SH3BP5: variants seen among roughly 807,000 people sequenced by gnomAD.
The protein encoded by SH3BP5 is SH3 domain binding protein 5.
Under a neutral mutation model 43.3 loss-of-function variants are expected in SH3BP5, and 22 were observed. That is an observed-to-expected ratio of 0.51 (90% CI 0.36 to 0.73). The LOEUF is 0.73. Ranked by LOEUF, SH3BP5 falls within the 30% of genes least tolerant of loss-of-function variation. The probability of loss-of-function intolerance (pLI) is 0.00; values close to 1 mark genes in which losing one functional copy is unlikely to be tolerated. For missense variants in SH3BP5, 529 were observed against 586.9 expected, an observed-to-expected ratio of 0.90 and a Z score of 1.02; for synonymous variants, 255 against 225.8, an observed-to-expected ratio of 1.13 and a Z score of -1.16.
At chr3:15,309,913 C>T (rs567473330) in intron 2 of SH3BP5, among the ~76,000 whole-genome samples, 1 of 150,954 alleles carries the variant, frequency 6.6e-6, no homozygotes. Context: ...TCCACCCCCC[C>T]CCCATAAGAA....
At chr3:15,330,865 G>A (rs1698592946) in intron 1 of SH3BP5, 1 of 360,956 alleles carries the variant, frequency 2.8e-6, no homozygotes, top group East Asian at 1.7e-4. Context: ...TGTTACAAAT[G>A]GTTTAATGGC....
intron 3 of SH3BP5, among the ~76,000 whole-genome samples, chr3:15,279,911 C>T (rs1419062813): frequency 1.3e-5 from 2 of 152,158 alleles, no homozygotes; most frequent in East Asian, 3.9e-4. Context: ...CTTCCCATTG[C>T]ACTCAGGAAG....
chr3:15,340,606 C>A (rs1230315984), intron 1 of SH3BP5, among the ~76,000 whole-genome samples: 1 of 151,792 alleles, frequency 6.6e-6, no homozygotes, highest in Non-Finnish European at 1.5e-5. Flanking sequence ...CAAAAATTAG[C>A]CAGGCGTGGT....
rs558033677 is a variant in SH3BP5 at position 15,260,965 on chromosome 3, G to A, written c.627-1162C>T. On this transcript the variant is annotated intron_variant, in intron 5 of 8. Coordinates refer to ENST00000383791, the MANE Select transcript of SH3BP5 (RefSeq NM_004844.5). Reference sequence around the variant, plus strand: ...TGTGATGTGTGTGCAGTGTGAATTCGGGGTCTTTTGAGAAAAGACCCACCA... The same window carrying A: ...TGTGATGTGTGTGCAGTGTGAATTCAGGGTCTTTTGAGAAAAGACCCACCA... Among the ~76,000 whole-genome samples, 5 of 152,258 alleles carry A rather than the reference G, an allele frequency of 3.3e-5. No homozygotes were observed. In the South Asian group the frequency reaches 6.2e-4, roughly 19 times the overall value.
At chr3:15,273,132 A>T (rs1696865305) in intron 3 of SH3BP5, 2 of 985,256 alleles carry the variant, frequency 2.0e-6, no homozygotes, top group Non-Finnish European at 2.4e-6. Flanking sequence ...GCTTCACACC[A>T]ACTCCAGGAG....
At position 15,255,864 on chromosome 3, in the gene SH3BP5, C is replaced by A. The variant is rs745431868; in HGVS notation, c.*222G>T. Reference sequence around the variant, plus strand: ...CGGAATGTTCCACAAAGGCTGTGAACCTAGTCACAGTCTACCCACAACAAG... The same window carrying A: ...CGGAATGTTCCACAAAGGCTGTGAAACTAGTCACAGTCTACCCACAACAAG... On this transcript the variant is annotated 3_prime_UTR_variant, in exon 9 of 9. Transcript: ENST00000383791. 1.9e-6 allele frequency: 1 copy of A among 529,902 alleles called. No individual in the cohort carries two copies. The highest frequency in any genetic ancestry group is 3.4e-6 in the Non-Finnish European group (1 of 298,376). 32.8% of individuals were successfully genotyped at this position (529,902 alleles called of 1,614,324 possible).
chr3:15,280,101 C>A (rs1240433264), intron 3 of SH3BP5, among the ~76,000 whole-genome samples: 1 of 152,128 alleles, frequency 6.6e-6, no homozygotes, highest in Non-Finnish European at 1.5e-5. Context: ...CCCACACTTC[C>A]ATCCTTTCAC....
chr3:15,255,181 A>T lies in SH3BP5; in HGVS notation c.*905T>A, dbSNP rs1216588706. 1 of 152,650 alleles carries T rather than the reference A, an allele frequency of 6.6e-6. No individual in the cohort carries two copies. 9.5% of individuals were successfully genotyped at this position (152,650 alleles called of 1,614,324 possible). On this transcript the variant is annotated 3_prime_UTR_variant, in exon 9 of 9. Transcript: ENST00000383791. ...TGCCTACTCCCTTTCCTAACTTTAA[A>T]GAACTGTTTCCTCTAAGGAATACTA...
At chr3:15,305,819 GT>G (rs1246570935) in intron 2 of SH3BP5, among the ~76,000 whole-genome samples, 7 of 152,226 alleles carry the variant, frequency 4.6e-5, no homozygotes, top group Admixed American at 2.0e-4. Flanking sequence ...CTTGATAGGA[GT>G]TAGGAAGGCA....
intron 4 of SH3BP5, 27 bp from the exon 5 acceptor site, chr3:15,262,316 A>T (rs1369038456): frequency 2.5e-6 from 4 of 1,596,552 alleles, no homozygotes; most frequent in South Asian, 1.1e-5. Flanking sequence ...AGTTCAGCCC[A>T]GTCCAGCCCA....
At position 15,265,789 on chromosome 3, in the gene SH3BP5, C is replaced by CAT. The variant is rs574285343; in HGVS notation, c.496-3501_496-3500insAT. ...GTGTGGCAAACTGCACCCCATACTC[C>CAT]GGAGCAGCATACTCCGGAGATGCTG... On this transcript the variant is annotated intron_variant, in intron 4 of 8. Coordinates refer to ENST00000383791, the MANE Select transcript of SH3BP5 (RefSeq NM_004844.5). 4.7e-4 allele frequency among the ~76,000 whole-genome samples: 71 copies of CAT among 152,066 alleles called. 1 individual carries two copies. The East Asian group carries it at 0.012, about 26-fold the overall frequency.
upstream of SH3BP5, among the ~76,000 whole-genome samples, chr3:15,335,056 C>T (rs188899420): frequency 4.9e-4 from 74 of 151,788 alleles, no homozygotes; most frequent in Admixed American, 9.8e-4. Flanking sequence ...GAGAGACGAT[C>T]GCTTGAGGCC....
Position 15,256,092 on chromosome 3 carries a change from A to G in SH3BP5, c.1362T>C (p.Ile454=). ...GIIADIKMVQ[I]G ...GGCCAGGGCCCAGGATGAATCAGCC[A>G]ATCTGCACCATTTTTATGTCAGCAA... Residue 454 remains isoleucine (I), a synonymous_variant, in exon 9 of 9, where the codon ATT becomes ATC. Coordinates refer to ENST00000383791, the MANE Select transcript of SH3BP5 (RefSeq NM_004844.5). 6.2e-7 allele frequency: 1 copy of G among 1,613,254 alleles called. No individual in the cohort carries two copies. Among genetic ancestry groups the G allele is most frequent in the Non-Finnish European group, 8.5e-7 (1 of 1,179,210 alleles).
chr3:15,261,255 T>C (rs915595084), intron 5 of SH3BP5, among the ~76,000 whole-genome samples: 7 of 152,260 alleles, frequency 4.6e-5, no homozygotes, highest in African/African-American at 1.7e-4. Flanking sequence ...GGTGTTCCTC[T>C]GCATGTATGT....
At chr3:15,334,845 G>A (rs1272402856), upstream of SH3BP5, among the ~76,000 whole-genome samples, 1 of 152,092 alleles carries the variant, frequency 6.6e-6, no homozygotes, top group Non-Finnish European at 1.5e-5. Flanking sequence ...ACAGCTATTT[G>A]GGAGGCTGAG....
chr3:15,311,973 T>G (rs1698070740), intron 2 of SH3BP5, among the ~76,000 whole-genome samples: 1 of 152,324 alleles, frequency 6.6e-6, no homozygotes, highest in Admixed American at 6.5e-5. Flanking sequence ...ACCAGCCATC[T>G]TCAGTCTTGT....
intron 3 of SH3BP5, among the ~76,000 whole-genome samples, chr3:15,303,626 C>G (rs1026551981): frequency 6.6e-6 from 1 of 151,100 alleles, no homozygotes; most frequent in Non-Finnish European, 1.5e-5. Context: ...TTCAGCAGGA[C>G]GATGGCCACG....
chr3:15,254,902 A>G lies in SH3BP5; in HGVS notation c.*1184T>C, dbSNP rs1322061521. ...CTTAGTGTATTAAGACAAGTACAAA[A>G]TAACCTTGTAATTAAGATACTGTAT... On this transcript the variant is annotated 3_prime_UTR_variant, in exon 9 of 9. Coordinates refer to ENST00000383791, the MANE Select transcript of SH3BP5 (RefSeq NM_004844.5). 6.6e-6 allele frequency: 1 copy of G among 152,350 alleles called. No individual in the cohort carries two copies. Among genetic ancestry groups the G allele is most frequent in the African/African-American group, 2.4e-5 (1 of 41,586 alleles). The allele number at this position is 152,350 out of a possible 1,614,324, so 9.4% of individuals were successfully genotyped here.
rs751690453 is a variant in SH3BP5, at chr3:15,256,040, C to T, written c.*46G>A. The T allele has an allele frequency of 4.9e-6, 7 of 1,421,398 alleles. No homozygotes were observed. Among genetic ancestry groups the T allele is most frequent in the Admixed American group, 1.8e-5 (1 of 56,914 alleles). 88.0% of individuals were successfully genotyped at this position (1,421,398 alleles called of 1,614,324 possible). On this transcript the variant is annotated 3_prime_UTR_variant, in exon 9 of 9. Coordinates refer to ENST00000383791, the MANE Select transcript of SH3BP5 (RefSeq NM_004844.5). Reference sequence around the variant, plus strand: ...ATTATTGGCACAATGTTCTCCAGTTCCATGTATAAATGTTGATATGCACAT... The same window carrying T: ...ATTATTGGCACAATGTTCTCCAGTTTCATGTATAAATGTTGATATGCACAT...
Sources: gnomAD v4.1 joint callset for allele counts (sites outside exome capture counted in the v4.1 genomes callset) on GRCh38, gnomAD v4.1.1 for gene constraint, MANE v1.5 for transcripts, NCBI Gene and HGNC (gene_info 2026-07-23, HGNC 2026-07-21) for gene names.